The following PCNX4 variants were observed in gnomAD, a reference collection of about 807,000 sequenced individuals.
The protein encoded by PCNX4 is pecanex-like protein 4.
In PCNX4, 103 loss-of-function variants were observed where a neutral mutation model predicts 107.2. That is an observed-to-expected ratio of 0.96 (90% CI 0.82 to 1.13). The LOEUF (loss-of-function observed/expected upper bound fraction) is 1.13. Ranked by LOEUF, PCNX4 falls within the 50% of genes most tolerant of loss-of-function variation. The probability of loss-of-function intolerance (pLI) is 0.00; values close to 1 mark genes in which losing one functional copy is unlikely to be tolerated. For synonymous variants in PCNX4, 541 were observed against 481.7 expected, an observed-to-expected ratio of 1.12 and a Z score of -1.61; for missense variants, 1,528 against 1,379.4, an observed-to-expected ratio of 1.11 and a Z score of -1.71.
intron 10 of PCNX4, among the ~76,000 whole-genome samples, chr14:60,130,983 T>A (rs1043047001): frequency 1.3e-5 from 2 of 151,952 alleles, no homozygotes; most frequent in African/African-American, 4.8e-5. Flanking sequence ...AGCCCCATGA[T>A]GGGATTAGTG....
In PCNX4 at chr14:60,125,735, A is replaced by G. The variant is rs1430411294; in HGVS notation, c.3179A>G (p.Tyr1060Cys). 6.2e-7 allele frequency: 1 copy of G among 1,611,518 alleles called. No homozygotes were observed. Among genetic ancestry groups the G allele is most frequent in the Non-Finnish European group, 8.5e-7 (1 of 1,178,754 alleles). The change falls in exon 10 of 11, where the codon TAC becomes TGC. Residue 1060 changes from tyrosine to cysteine, a missense_variant. Physicochemically the swap from Tyr to Cys is radical, Grantham distance 194. Coordinates refer to ENST00000406854, the MANE Select transcript of PCNX4 (RefSeq NM_001330177.2). ...CTTGAAGAATATGAACGTGACTGGT[A>G]CATTGGTTTGGTATCTGATGAAAAG... is the stretch of plus-strand genomic sequence containing the variant. ...KYLEEYERDW[Y>C]IGLVSDEKWK...
intron 8 of PCNX4, among the ~76,000 whole-genome samples, chr14:60,122,714 G>A (rs1290176447): frequency 6.6e-6 from 1 of 152,126 alleles, no homozygotes; most frequent in African/African-American, 2.4e-5. Context: ...CATAAGCACA[G>A]GGATCTCTTG....
At chr14:60,131,338 G>T (rs1324608467) in intron 10 of PCNX4, among the ~76,000 whole-genome samples, 1 of 152,124 alleles carries the variant, frequency 6.6e-6, no homozygotes, top group Non-Finnish European at 1.5e-5. Flanking sequence ...CAACTAAAAA[G>T]CTTAGAACTG....
In PCNX4 at chr14:60,138,785, A is replaced by G. The variant is rs1896271099; in HGVS notation, c.*4564A>G. 1 of 152,318 alleles carries G rather than the reference A, an allele frequency of 6.6e-6. No individual in the cohort carries two copies. Among genetic ancestry groups the G allele is most frequent in the South Asian group, 2.1e-4 (1 of 4,830 alleles). 9.4% of individuals were successfully genotyped at this position (152,318 alleles called of 1,614,324 possible). ...GTTAGAGATAAAGGTAGGAATGAAC[A>G]GTAATTTAAAAATATATATATACAG... On this transcript the variant is annotated 3_prime_UTR_variant, in exon 11 of 11. Coordinates refer to ENST00000406854, the MANE Select transcript of PCNX4 (RefSeq NM_001330177.2).
rs962298306 is a variant in PCNX4, at chr14:60,143,134, C to G, written c.*8913C>G. 10 of 152,312 alleles carry G rather than the reference C, an allele frequency of 6.6e-5. No individual in the cohort carries two copies. Among genetic ancestry groups the G allele is most frequent in the African/African-American group, 2.2e-4 (9 of 41,562 alleles). The allele number at this position is 152,312 out of a possible 1,614,324, so 9.4% of individuals were successfully genotyped here. On this transcript the variant is annotated 3_prime_UTR_variant, in exon 11 of 11. Transcript: ENST00000406854. Reference sequence around the variant, plus strand: ...CAGTGATGAATAAAACAAAACTGACCTGGAACCTGGCCTCCTGAAGCTTCT... The same window carrying G: ...CAGTGATGAATAAAACAAAACTGACGTGGAACCTGGCCTCCTGAAGCTTCT...
At position 60,121,222 on chromosome 14, in the gene PCNX4, T is replaced by C. The variant is rs747682446; in HGVS notation, c.1969T>C (p.Leu657=). The change falls in exon 8 of 11, where the codon TTG becomes CTG. Residue 657 remains leucine (L), a synonymous_variant. Transcript: ENST00000406854. ...LGLLLPGSHY[L]GRFQDRLMWI... The stretch of plus-strand genomic sequence containing the variant: ...TCTCCTCCTACCTGGATCTCATTAC[T>C]TGGGCCGTTTTCAGGATCGTTTAAT... 1 of 1,605,646 alleles carries C rather than the reference T, an allele frequency of 6.2e-7. No homozygotes were observed. The highest frequency in any genetic ancestry group is 1.3e-5 in the African/African-American group (1 of 74,268).
chr14:60,095,791 T>TAA (rs886078149), intron 1 of PCNX4, among the ~76,000 whole-genome samples: 1 of 130,982 alleles, frequency 7.6e-6, no homozygotes, highest in African/African-American at 2.8e-5. Flanking sequence ...CCATGAAGGT[T>TAA]AAAAAAAAAA....
intron 10 of PCNX4, among the ~76,000 whole-genome samples, chr14:60,129,699 A>G (rs554724190): frequency 4.1e-4 from 63 of 152,368 alleles, no homozygotes; most frequent in South Asian, 8.3e-4. Flanking sequence ...TATGTATAAC[A>G]GTGCCACAGA....
At position 60,140,786 on chromosome 14, in the gene PCNX4, ACT is replaced by A. The variant is rs1896297745; in HGVS notation, c.*6567_*6568del. 6.6e-6 allele frequency: 1 copy of A among 152,178 alleles called. No individual in the cohort carries two copies. Among genetic ancestry groups the A allele is most frequent in the Non-Finnish European group, 1.5e-5 (1 of 68,034 alleles). 9.4% of individuals were successfully genotyped at this position (152,178 alleles called of 1,614,324 possible). On this transcript the variant is annotated 3_prime_UTR_variant, in exon 11 of 11. Coordinates refer to ENST00000406854, the MANE Select transcript of PCNX4 (RefSeq NM_001330177.2). This position sits in a 1 kb window ranked among gnomAD's most constrained non-coding sequence, Gnocchi z 4.2. ...AAAAGTATTTGATAAACCAGTATCC[ACT>A]CATAAAAAGTTTGCTTTTTAATATT...
At chr14:60,094,295 CACTTT>C (rs1430505583) in intron 1 of PCNX4, among the ~76,000 whole-genome samples, 1 of 126,106 alleles carries the variant, frequency 7.9e-6, no homozygotes, top group East Asian at 2.3e-4. Flanking sequence ...CTCTTGGACC[CACTTT>C]TCTCCAAAGA....
intron 1 of PCNX4, among the ~76,000 whole-genome samples, chr14:60,098,391 C>G (rs1895467044): frequency 6.6e-6 from 1 of 152,218 alleles, no homozygotes; most frequent in South Asian, 2.1e-4. Flanking sequence ...CTGTCTTTGA[C>G]TGTTGAGCCA....
Position 60,134,352 on chromosome 14 carries a change from G to A in PCNX4, c.*131G>A, listed in dbSNP as rs1017497083. 13 of 1,154,448 alleles carry A rather than the reference G, an allele frequency of 1.1e-5. No homozygotes were observed. The highest frequency in any genetic ancestry group is 4.7e-5 in the African/African-American group (3 of 64,414). 71.5% of individuals were successfully genotyped at this position (1,154,448 alleles called of 1,614,324 possible). A position where few individuals can be genotyped will look rare whatever the true frequency, so the allele number is the denominator to read the frequency against. ...AGATGCCTGAGAACAGCTAAGCTCCGTAAAGTTGGTTCTCTTAGCCATCTT... is the reference window on the plus strand; with the variant it reads ...AGATGCCTGAGAACAGCTAAGCTCCATAAAGTTGGTTCTCTTAGCCATCTT... On this transcript the variant is annotated 3_prime_UTR_variant, in exon 11 of 11. Coordinates refer to ENST00000406854, the MANE Select transcript of PCNX4 (RefSeq NM_001330177.2).
chr14:60,093,833 CCA>C (rs1176645947), intron 1 of PCNX4, among the ~76,000 whole-genome samples: 2 of 152,126 alleles, frequency 1.3e-5, no homozygotes, highest in African/African-American at 4.8e-5. Context: ...TCTGATTTCT[CCA>C]CAGTCTCATG....
intron 1 of PCNX4, among the ~76,000 whole-genome samples, chr14:60,103,354 GTTTT>G (rs1250954771): frequency 6.6e-6 from 1 of 152,170 alleles, no homozygotes; most frequent in African/African-American, 2.4e-5. Context: ...TTGCAGAAGT[GTTTT>G]TTAATTTCAA....
In PCNX4 at chr14:60,115,018, CAT is replaced by C; in HGVS notation, c.917_918del (p.Tyr306PhefsTer25). On this transcript the variant is annotated frameshift_variant, in exon 4 of 11. Coordinates refer to ENST00000406854, the MANE Select transcript of PCNX4 (RefSeq NM_001330177.2). LOFTEE classifies it high-confidence loss of function. ...ATGTCTGCTGGAACAGCTATAGCAT[CAT>C]ATTTCATTCCAAGCACTGTTGGTGT... 2 of 1,612,358 alleles carry C rather than the reference CAT, an allele frequency of 1.2e-6. No homozygotes were observed. The highest frequency in any genetic ancestry group is 1.7e-6 in the Non-Finnish European group (2 of 1,178,844).
At chr14:60,100,840 C>T (rs565226913) in intron 1 of PCNX4, among the ~76,000 whole-genome samples, 23 of 152,160 alleles carry the variant, frequency 1.5e-4, no homozygotes, top group Non-Finnish European at 3.1e-4. Flanking sequence ...CCTTGCCATA[C>T]CTTGAAATTG....
intron 1 of PCNX4, among the ~76,000 whole-genome samples, chr14:60,103,397 T>C (rs1192994089): frequency 1.3e-5 from 2 of 152,234 alleles, no homozygotes; most frequent in African/African-American, 4.8e-5. Context: ...TCTGCTGATA[T>C]CCATTGTGAC....
chr14:60,107,416 A>G (rs1351820805), intron 1 of PCNX4, among the ~76,000 whole-genome samples, 170 bp from the exon 2 acceptor site: 1 of 152,222 alleles, frequency 6.6e-6, no homozygotes, highest in Non-Finnish European at 1.5e-5. Context: ...TTTTGTTTAT[A>G]AAAACTAGCA....
In PCNX4 at chr14:60,111,166, A is replaced by G. The variant is rs1461837589; in HGVS notation, c.689+2839A>G. On this transcript the variant is annotated intron_variant, in intron 2 of 10. Transcript: ENST00000406854. ...TTCTGTTGTTTAAGCCACTCAGTCT[A>G]TGATATTTTGTTATGGCAGCCCAAG... is the stretch of plus-strand genomic sequence containing the variant. 5 of 153,298 alleles carry G rather than the reference A, an allele frequency of 3.3e-5. No individual in the cohort carries two copies. In the South Asian group the frequency reaches 6.2e-4, roughly 19 times the overall value. 9.5% of individuals were successfully genotyped at this position (153,298 alleles called of 1,614,324 possible). A position where few individuals can be genotyped will look rare whatever the true frequency, so the allele number is the denominator to read the frequency against.
Sources: gnomAD v4.1 joint callset for allele counts (sites outside exome capture counted in the v4.1 genomes callset) on GRCh38, gnomAD v4.1.1 for gene constraint, Gnocchi (gnomAD v3.1) non-coding constraint, MANE v1.5 for transcripts, NCBI Gene and HGNC (gene_info 2026-07-23, HGNC 2026-07-21) for gene names.